The following XDH variants were observed in gnomAD, a reference collection of about 807,000 sequenced individuals.
XDH encodes the protein xanthine dehydrogenase.
Under a neutral mutation model 156.1 loss-of-function variants are expected in XDH, and 138 were observed. The observed-to-expected ratio is 0.88, with a 90% CI of 0.77 to 1.02. The LOEUF (loss-of-function observed/expected upper bound fraction) is 1.02. Among genes scored for constraint, XDH ranks in the 50% least tolerant of loss-of-function variants. The pLI, the probability that XDH is intolerant of heterozygous loss-of-function variation, is 0.00. For synonymous variants in XDH, 669 were observed against 625.7 expected (o/e 1.07, Z -1.03); for missense variants, 1,849 against 1,684.9 (o/e 1.10, Z -1.71).
In XDH at chr2:31,383,848, C is replaced by G; in HGVS notation, c.794-1G>C. ...ATATTCTTGAACTTCATCTCAATGC[C>G]TAGAGAGAAACAAGAAGCTGAAGTT... On this transcript the variant is annotated splice_acceptor_variant, in intron 9 of 35. Coordinates refer to ENST00000379416, the MANE Select transcript of XDH (RefSeq NM_000379.4). LOFTEE classifies it high-confidence loss of function. The G allele has an allele frequency of 6.2e-7, 1 of 1,613,620 alleles. No individual in the cohort carries two copies. Among genetic ancestry groups the G allele is most frequent in the Non-Finnish European group, 8.5e-7 (1 of 1,179,850 alleles).
intron 18 of XDH, among the ~76,000 whole-genome samples, chr2:31,369,292 G>A (rs1686006381): frequency 1.3e-5 from 2 of 151,922 alleles, no homozygotes; most frequent in Non-Finnish European, 2.9e-5. Flanking sequence ...TCAAATACTG[G>A]TTCTTAGACT....
chr2:31,405,088 T>C (rs1451395105), intron 2 of XDH, among the ~76,000 whole-genome samples: 1 of 152,102 alleles, frequency 6.6e-6, no homozygotes, highest in Non-Finnish European at 1.5e-5. Flanking sequence ...GCAATCTCCA[T>C]CACTATTTCC....
At chr2:31,348,432 G>A in intron 27 of XDH, 69 bp from the exon 28 acceptor site, 3 of 1,451,900 alleles carry the variant, frequency 2.1e-6, no homozygotes, top group Non-Finnish European at 2.9e-6. Context: ...TGGGACCAAA[G>A]GTATGGAGCC....
chr2:31,406,882 T>G (rs1342860638), intron 1 of XDH, among the ~76,000 whole-genome samples: 3 of 152,178 alleles, frequency 2.0e-5, no homozygotes, highest in Non-Finnish European at 4.4e-5. Flanking sequence ...CTAATACATG[T>G]CAGAAATGAA....
intron 6 of XDH, among the ~76,000 whole-genome samples, chr2:31,394,896 A>G (rs1686863317): frequency 6.6e-6 from 1 of 152,122 alleles, no homozygotes; most frequent in African/African-American, 2.4e-5. Flanking sequence ...TAATTCTTAG[A>G]ATTTCCGTTC....
chr2:31,386,564 T>C lies in XDH; in HGVS notation c.652-9A>G. ...GGAGTGTCTTTCAGCCTCTGGGAAATGCAGTTTTCTTACTACACTGTCTCC... is the reference window on the plus strand; with the variant it reads ...GGAGTGTCTTTCAGCCTCTGGGAAACGCAGTTTTCTTACTACACTGTCTCC... On this transcript the variant is annotated splice_polypyrimidine_tract_variant and intron_variant, in intron 8 of 35. Transcript: ENST00000379416. 3.1e-6 allele frequency: 5 copies of C among 1,614,120 alleles called. No homozygotes were observed. Among genetic ancestry groups the C allele is most frequent in the South Asian group, 1.1e-5 (1 of 91,084 alleles).
rs527510718 is a variant in XDH at position 31,344,961 on chromosome 2, C to G, written c.3352-225G>C. Among the ~76,000 whole-genome samples, 3 of 152,294 alleles carry G rather than the reference C, an allele frequency of 2.0e-5. No individual in the cohort carries two copies. In the South Asian group the frequency reaches 6.2e-4, roughly 32 times the overall value. On this transcript the variant is annotated intron_variant, in intron 30 of 35. Coordinates refer to ENST00000379416, the MANE Select transcript of XDH (RefSeq NM_000379.4). ...AGTCACCTCTTAACTGGTCTTCCTC[C>G]CTTGAGTTGTCTCCCCAGCCCAGCC... is the stretch of plus-strand genomic sequence containing the variant.
At chr2:31,372,175 C>T (rs1686090506) in intron 17 of XDH, 53 bp downstream of exon 17, 1 of 1,613,782 alleles carries the variant, frequency 6.2e-7, no homozygotes. Flanking sequence ...CCTGGGTACT[C>T]CCAGTGGCCC....
In XDH at chr2:31,350,232, G is replaced by C; in HGVS notation, c.2632-9C>G. ...AAAGCTCGTTCCATAATCTGAAGCA[G>C]AGGAAACAAAAATGGGAGAGAACAG... On this transcript the variant is annotated splice_polypyrimidine_tract_variant and intron_variant, in intron 24 of 35. Coordinates refer to ENST00000379416, the MANE Select transcript of XDH (RefSeq NM_000379.4). 6.2e-7 allele frequency: 1 copy of C among 1,614,140 alleles called. No individual in the cohort carries two copies. The highest frequency in any genetic ancestry group is 1.3e-5 in the African/African-American group (1 of 75,032).
intron 13 of XDH, among the ~76,000 whole-genome samples, chr2:31,379,284 C>A (rs982281332): frequency 1.3e-5 from 2 of 152,178 alleles, no homozygotes; most frequent in African/African-American, 2.4e-5. Flanking sequence ...TCCATCCGCA[C>A]CAATCCACAG....
intron 32 of XDH, 81 bp downstream of exon 32, chr2:31,342,102 T>C (rs1685138473): frequency 1.6e-6 from 2 of 1,284,972 alleles, no homozygotes; most frequent in Non-Finnish European, 2.2e-6. Flanking sequence ...AGAAATCTTG[T>C]CTCTATCAGC....
Position 31,382,979 on chromosome 2 carries a change from C to T in XDH, c.1038+22G>A. 3 of 1,614,090 alleles carry T rather than the reference C, an allele frequency of 1.9e-6. No individual in the cohort carries two copies. In the Middle Eastern group the frequency reaches 5.0e-4, roughly 268 times the overall value. On this transcript the variant is annotated intron_variant, in intron 11 of 35. Coordinates refer to ENST00000379416, the MANE Select transcript of XDH (RefSeq NM_000379.4). ...TGAAAGCTCCATCCTACGGGCCTCG[C>T]TTGCTTCTGAGAGCGACTCACCGCC...
At chr2:31,355,435 G>C (rs1414098635) in intron 24 of XDH, among the ~76,000 whole-genome samples, 1 of 151,986 alleles carries the variant, frequency 6.6e-6, no homozygotes, top group East Asian at 1.9e-4. Context: ...TTAAAACACT[G>C]TCTTGATGTG....
intron 28 of XDH, 40 bp downstream of exon 28, chr2:31,348,228 T>C (rs2148755081): frequency 6.2e-7 from 1 of 1,602,380 alleles, no homozygotes; most frequent in Non-Finnish European, 8.5e-7. Context: ...TACCACTTCC[T>C]CTAACAACGG....
At chr2:31,381,508 G>T in intron 12 of XDH, 125 bp downstream of exon 12, 2 of 949,242 alleles carry the variant, frequency 2.1e-6, no homozygotes, top group South Asian at 1.4e-5. Flanking sequence ...TGCTTCCCTG[G>T]ATCCAAATCA....
intron 24 of XDH, among the ~76,000 whole-genome samples, chr2:31,361,992 C>T (rs1227997415): frequency 1.3e-5 from 2 of 152,064 alleles, no homozygotes; most frequent in Non-Finnish European, 2.9e-5. Context: ...AGAAATTCTA[C>T]TTTGGGATAT....
intron 6 of XDH, 23 bp downstream of exon 6, chr2:31,397,645 G>A: frequency 1.6e-5 from 26 of 1,614,104 alleles, no homozygotes; most frequent in Non-Finnish European, 2.2e-5. Flanking sequence ...CAGAGACACT[G>A]ATGTTCTGGG....
Position 31,379,874 on chromosome 2 carries a change from C to T in XDH, c.1235G>A (p.Ser412Asn). 1 of 1,614,128 alleles carries T rather than the reference C, an allele frequency of 6.2e-7. No individual in the cohort carries two copies. Among genetic ancestry groups the T allele is most frequent in the Non-Finnish European group, 8.5e-7 (1 of 1,179,958 alleles). Reference sequence around the variant, plus strand: ...CCACTTCCAACATCTCACCTCCCTGCTGTAGGGGATCTCTATGGAGAGCAG... The same window carrying T: ...CCACTTCCAACATCTCACCTCCCTGTTGTAGGGGATCTCTATGGAGAGCAG... ...EILLSIEIPYSREGEYFSAFK... is the reference protein window; with the variant it reads ...EILLSIEIPYNREGEYFSAFK... Residue 412 changes from serine to asparagine, a missense_variant, in exon 13 of 36, where the codon AGC becomes AAC. By Grantham distance (46) the Ser-to-Asn change is conservative. Transcript: ENST00000379416.
intron 11 of XDH, among the ~76,000 whole-genome samples, chr2:31,382,184 T>A (rs993000019): frequency 1.3e-5 from 2 of 152,152 alleles, no homozygotes; most frequent in African/African-American, 4.8e-5. Context: ...AGGGTTCTCG[T>A]TATTAGAAAA....
Sources: gnomAD v4.1 joint callset for allele counts (sites outside exome capture counted in the v4.1 genomes callset) on GRCh38, gnomAD v4.1.1 for gene constraint, MANE v1.5 for transcripts, NCBI Gene and HGNC (gene_info 2026-07-23, HGNC 2026-07-21) for gene names.